DSCAM: variants seen among roughly 807,000 people sequenced by gnomAD.
DSCAM encodes the protein cell adhesion molecule DSCAM.
Under a neutral mutation model 217.7 loss-of-function variants are expected in DSCAM, and 47 were observed. That is an observed-to-expected ratio of 0.22 (90% CI 0.17 to 0.28). DSCAM has a LOEUF of 0.28. Among genes scored for constraint, DSCAM ranks in the 10% least tolerant of loss-of-function variants. The probability of loss-of-function intolerance (pLI) is 1.00; values close to 1 mark genes in which losing one functional copy is unlikely to be tolerated. For synonymous variants in DSCAM, 1,056 were observed against 1,015.3 expected, an observed-to-expected ratio of 1.04 and a Z score of -0.76; for missense variants, 2,080 against 2,618.3, an observed-to-expected ratio of 0.79 and a Z score of 4.49.
At chr21:40,365,490 G>A (rs113804508) in intron 4 of DSCAM, among the ~76,000 whole-genome samples, 1,952 of 152,104 alleles carry the variant, frequency 0.013, 44 homozygotes, top group African/African-American at 0.045. Flanking sequence ...GCTTGCAGAC[G>A]GCCTATTGTG....
intron 3 of DSCAM, among the ~76,000 whole-genome samples, chr21:40,438,988 G>A (rs1050025419): frequency 2.0e-5 from 3 of 152,140 alleles, no homozygotes; most frequent in Non-Finnish European, 4.4e-5. Context: ...TTCAGCAGAT[G>A]AAAGTGAGGT....
intron 2 of DSCAM, among the ~76,000 whole-genome samples, chr21:40,702,466 T>C (rs1364464352): frequency 1.3e-5 from 2 of 152,206 alleles, no homozygotes; most frequent in Non-Finnish European, 2.9e-5. Flanking sequence ...TTTAATTAGG[T>C]TGATTTGATT....
intron 11 of DSCAM, among the ~76,000 whole-genome samples, chr21:40,219,219 A>T (rs1157806119): frequency 6.6e-6 from 1 of 152,210 alleles, no homozygotes; most frequent in Admixed American, 6.5e-5. Flanking sequence ...CCTTTCCTGC[A>T]TCTATTGAGA....
At chr21:40,800,702 TCTTTCTTA>T (rs1273841618) in intron 1 of DSCAM, among the ~76,000 whole-genome samples, 1 of 150,072 alleles carries the variant, frequency 6.7e-6, no homozygotes, top group East Asian at 2.0e-4. Context: ...TCTTCTTTCT[TCTTTCTTA>T]CTTTCTTTTT....
At chr21:40,547,431 T>A (rs1164239447) in intron 3 of DSCAM, among the ~76,000 whole-genome samples, 1 of 152,206 alleles carries the variant, frequency 6.6e-6, no homozygotes, top group Non-Finnish European at 1.5e-5. Flanking sequence ...CGTCTCCTTT[T>A]CCAAGTCCTG....
intron 3 of DSCAM, among the ~76,000 whole-genome samples, chr21:40,671,479 G>A (rs927184656): frequency 6.6e-5 from 10 of 151,678 alleles, no homozygotes; most frequent in African/African-American, 2.4e-4. Flanking sequence ...TTCGAGACCA[G>A]CCTGGTCAAC....
intron 1 of DSCAM, among the ~76,000 whole-genome samples, chr21:40,780,421 G>GTTTATATATATATATATATA (rs1490666344): frequency 2.1e-5 from 1 of 48,046 alleles, no homozygotes; most frequent in Non-Finnish European, 3.5e-5. Flanking sequence ...GTGTGTGTGT[G>GTTTATATATATATATATATA]TGTATATATA....
chr21:40,768,127 C>A (rs923963064), intron 1 of DSCAM, among the ~76,000 whole-genome samples: 8 of 152,236 alleles, frequency 5.3e-5, no homozygotes, highest in African/African-American at 1.9e-4. Context: ...TTTCACATAG[C>A]ATAGGCTATA....
chr21:40,740,092 C>T (rs977747765), intron 1 of DSCAM, among the ~76,000 whole-genome samples: 1 of 150,290 alleles, frequency 6.7e-6, no homozygotes, highest in Non-Finnish European at 1.5e-5. Context: ...AGCTGACAAC[C>T]CTTTAAAGCA....
chr21:40,360,487 A>C (rs1020063115), intron 4 of DSCAM, among the ~76,000 whole-genome samples: 6 of 151,984 alleles, frequency 3.9e-5, no homozygotes, highest in African/African-American at 1.4e-4. Context: ...TCTAGTGTCC[A>C]CAGTGTCTAT....
intron 8 of DSCAM, among the ~76,000 whole-genome samples, chr21:40,329,474 C>A (rs1192059173): frequency 6.6e-6 from 1 of 151,864 alleles, no homozygotes; most frequent in Non-Finnish European, 1.5e-5. Flanking sequence ...ATTAGCTGGG[C>A]ATAGTGGTGC....
chr21:40,182,603 A>C (rs906369418), intron 14 of DSCAM, among the ~76,000 whole-genome samples: 1 of 140,606 alleles, frequency 7.1e-6, no homozygotes, highest in Non-Finnish European at 1.5e-5. Context: ...CCAGCAGAGA[A>C]ACCGTGGACA....
intron 3 of DSCAM, among the ~76,000 whole-genome samples, chr21:40,486,290 C>A (rs1309967856): frequency 6.6e-6 from 1 of 152,212 alleles, no homozygotes; most frequent in Non-Finnish European, 1.5e-5. Context: ...CTATGACTTT[C>A]AACTCACAGC....
chr21:40,188,836 AC>A (rs1430243963), intron 12 of DSCAM, among the ~76,000 whole-genome samples: 2 of 150,776 alleles, frequency 1.3e-5, no homozygotes, highest in African/African-American at 4.9e-5. Context: ...GTTCATAATA[AC>A]CCTATTCTTA....
chr21:40,299,065 A>T (rs1476979041), intron 9 of DSCAM, among the ~76,000 whole-genome samples: 1 of 152,170 alleles, frequency 6.6e-6, no homozygotes, highest in African/African-American at 2.4e-5. Context: ...TTGCTCATAG[A>T]TTGGAATTCT....
intron 8 of DSCAM, among the ~76,000 whole-genome samples, chr21:40,337,325 A>G (rs752799835): frequency 2.0e-5 from 3 of 152,188 alleles, no homozygotes; most frequent in Non-Finnish European, 2.9e-5. Context: ...TTTATAACAT[A>G]TTAGTTCTAT....
chr21:40,794,620 C>G (rs2091674882), intron 1 of DSCAM, among the ~76,000 whole-genome samples: 2 of 150,894 alleles, frequency 1.3e-5, no homozygotes, highest in African/African-American at 4.9e-5. Context: ...CATTTAATGA[C>G]TACTTATCCC....
At chr21:40,768,470 C>T (rs914975925) in intron 1 of DSCAM, among the ~76,000 whole-genome samples, 1 of 152,232 alleles carries the variant, frequency 6.6e-6, no homozygotes, top group Non-Finnish European at 1.5e-5. Flanking sequence ...TTGTCTTTCA[C>T]TAACCGAAAG....
chr21:40,548,932 C>T (rs1258539239), intron 3 of DSCAM, among the ~76,000 whole-genome samples: 3 of 152,298 alleles, frequency 2.0e-5, no homozygotes, highest in South Asian at 2.1e-4. Context: ...AGGCCGGGCA[C>T]GGTGGCTCAT....
Sources: gnomAD v4.1 joint callset for allele counts (sites outside exome capture counted in the v4.1 genomes callset) on GRCh38, gnomAD v4.1.1 for gene constraint, MANE v1.5 for transcripts, NCBI Gene and HGNC (gene_info 2026-07-23, HGNC 2026-07-21) for gene names.